SLC22A23: variants seen among roughly 807,000 people sequenced by gnomAD.
SLC22A23 encodes the protein solute carrier family 22 member 23.
In SLC22A23, 26 loss-of-function variants were observed where a neutral mutation model predicts 61.0. The observed-to-expected ratio is 0.43, with a 90% CI of 0.31 to 0.59. The LOEUF (loss-of-function observed/expected upper bound fraction) is 0.59, where lower values mean the gene tolerates loss of function less well. SLC22A23 is among the 20% of genes least tolerant of loss of function. The pLI is 0.11. For synonymous variants in SLC22A23, 430 were observed against 413.9 expected (o/e 1.04, Z -0.47); for missense variants, 796 against 934.7 (o/e 0.85, Z 1.94).
intron 3 of SLC22A23, among the ~76,000 whole-genome samples, chr6:3,383,703 G>A (rs1449211934): frequency 4.6e-5 from 7 of 152,120 alleles, no homozygotes; most frequent in Admixed American, 2.6e-4. Context: ...GTGTTCTGGC[G>A]AAAGTCCAGT....
Position 3,278,186 on chromosome 6 carries a change from T to A in SLC22A23, c.1704-4774A>T, listed in dbSNP as rs982779881. Among the ~76,000 whole-genome samples, 3 of 152,284 alleles carry A rather than the reference T, an allele frequency of 2.0e-5. No individual in the cohort carries two copies. The East Asian group carries it at 5.8e-4, about 29-fold the overall frequency. On this transcript the variant is annotated intron_variant, in intron 9 of 9. Transcript: ENST00000406686. ...TTTGGAGCGATTGGTTATGCAGCAA[T>A]AGAAAACCAAGATACTCGGTGAGTG...
chr6:3,279,801 G>A (rs1403654842), intron 9 of SLC22A23, among the ~76,000 whole-genome samples: 9 of 152,220 alleles, frequency 5.9e-5, no homozygotes, highest in Admixed American at 5.9e-4. Context: ...AACCGAGGGC[G>A]CACACTGCCT....
chr6:3,328,309 A>G lies in SLC22A23; in HGVS notation c.914-4307T>C, dbSNP rs982914941. On this transcript the variant is annotated intron_variant, in intron 3 of 9. Coordinates refer to ENST00000406686, the MANE Select transcript of SLC22A23 (RefSeq NM_015482.2). This position sits in a 1 kb window ranked among gnomAD's most constrained non-coding sequence, Gnocchi z 5.0. ...ACAGAGGCCGCCCGGAGGCTTTGATAGAAAAGTGGCATTGTTAGGAGGCCA... is the reference window on the plus strand; with the variant it reads ...ACAGAGGCCGCCCGGAGGCTTTGATGGAAAAGTGGCATTGTTAGGAGGCCA... Among the ~76,000 whole-genome samples the G allele has an allele frequency of 6.6e-6, 1 of 152,146 alleles. No individual in the cohort carries two copies. The highest frequency in any genetic ancestry group is 1.5e-5 in the Non-Finnish European group (1 of 68,040).
Position 3,427,714 on chromosome 6 carries a change from T to C in SLC22A23, c.655-11859A>G, listed in dbSNP as rs1259506034. ...TCCTGCAATCATTCCTTAAATATAC[T>C]ATTTTTCTGACCAAAAGAAAAAAAA... On this transcript the variant is annotated intron_variant, in intron 1 of 9. Coordinates refer to ENST00000406686, the MANE Select transcript of SLC22A23 (RefSeq NM_015482.2). This position sits in a 1 kb window ranked among gnomAD's most constrained non-coding sequence, Gnocchi z 4.3. Among the ~76,000 whole-genome samples, 4 of 152,050 alleles carry C rather than the reference T, an allele frequency of 2.6e-5. No individual in the cohort carries two copies. In the East Asian group the frequency reaches 7.7e-4, roughly 29 times the overall value.
intron 3 of SLC22A23, among the ~76,000 whole-genome samples, chr6:3,355,617 C>T (rs55682755): frequency 0.029 from 4,485 of 152,230 alleles, 212 homozygotes; most frequent in African/African-American, 0.1. Flanking sequence ...TGGGCCCTCC[C>T]GCCCCGCTCC....
intron 2 of SLC22A23, among the ~76,000 whole-genome samples, chr6:3,415,512 G>C (rs1385182578): frequency 1.3e-5 from 2 of 152,188 alleles, no homozygotes; most frequent in East Asian, 1.9e-4. Flanking sequence ...CTGCAGGCTG[G>C]TTTTGCTATA....
At chr6:3,443,670 C>T (rs1771732774) in intron 1 of SLC22A23, among the ~76,000 whole-genome samples, 1 of 152,216 alleles carries the variant, frequency 6.6e-6, no homozygotes, top group African/African-American at 2.4e-5. Flanking sequence ...GAACCATATC[C>T]TGTCACACCG....
rs1301038474 is a variant in SLC22A23, at chr6:3,270,098, A to C, written c.*2957T>G. ...ACAAAGTGAAGAAATGTTCAGCTCCATCTCAGGTGTTCACATTTGTGCATA... is the reference window on the plus strand; with the variant it reads ...ACAAAGTGAAGAAATGTTCAGCTCCCTCTCAGGTGTTCACATTTGTGCATA... On this transcript the variant is annotated 3_prime_UTR_variant, in exon 10 of 10. Transcript: ENST00000406686. 1 of 152,410 alleles carries C rather than the reference A, an allele frequency of 6.6e-6. No individual in the cohort carries two copies. Among genetic ancestry groups the C allele is most frequent in the Non-Finnish European group, 1.5e-5 (1 of 68,050 alleles). 9.4% of individuals were successfully genotyped at this position (152,410 alleles called of 1,614,324 possible). A position where few individuals can be genotyped will look rare whatever the true frequency, so the allele number is the denominator to read the frequency against.
chr6:3,395,819 T>A (rs17249378), intron 3 of SLC22A23, among the ~76,000 whole-genome samples: 72,025 of 152,104 alleles, frequency 0.47, 17,265 homozygotes, highest in East Asian at 0.53. Flanking sequence ...ATTCAACCCA[T>A]CATGAGTCAG....
chr6:3,308,632 GACATAAAACCTA>G lies in SLC22A23; in HGVS notation c.1083-10426_1083-10415del, dbSNP rs1762151436. Among the ~76,000 whole-genome samples, 5 of 152,240 alleles carry G rather than the reference GACATAAAACCTA, an allele frequency of 3.3e-5. No homozygotes were observed. Among genetic ancestry groups the G allele is most frequent in the Middle Eastern group, 6.8e-3 (2 of 294 alleles). On this transcript the variant is annotated intron_variant, in intron 4 of 9. Transcript: ENST00000406686. This position sits in a 1 kb window ranked among gnomAD's most constrained non-coding sequence, Gnocchi z 5.1. ...ATGCCATTTTCCAGCATGTACTTGG[GACATAAAACCTA>G]ACATAAAACCACAGCATGGGCCGGG... is the stretch of plus-strand genomic sequence containing the variant.
At chr6:3,428,595 A>G (rs1770657519) in intron 1 of SLC22A23, among the ~76,000 whole-genome samples, 1 of 152,224 alleles carries the variant, frequency 6.6e-6, no homozygotes. Context: ...GCCACAGGAC[A>G]GTCAAGTTGA....
Position 3,285,203 on chromosome 6 carries a change from C to T in SLC22A23, c.1547-92G>A, listed in dbSNP as rs970616872. On this transcript the variant is annotated intron_variant, in intron 7 of 9. Transcript: ENST00000406686. ...CACATTAGGTGTGGAGTTAGCCTAGCGTGTTCCCATGCGACTTGGTTCAAG... is the reference window on the plus strand; with the variant it reads ...CACATTAGGTGTGGAGTTAGCCTAGTGTGTTCCCATGCGACTTGGTTCAAG... 1.9e-5 allele frequency: 29 copies of T among 1,552,760 alleles called. No homozygotes were observed. The Admixed American group carries it at 4.2e-4, about 23-fold the overall frequency.
At chr6:3,294,218 C>T (rs1446215216) in intron 5 of SLC22A23, among the ~76,000 whole-genome samples, 1 of 151,920 alleles carries the variant, frequency 6.6e-6, no homozygotes, top group Admixed American at 6.6e-5. Flanking sequence ...TGAAGCGCTT[C>T]CTCCGATGCC....
chr6:3,355,723 C>T (rs1449614815), intron 3 of SLC22A23, among the ~76,000 whole-genome samples: 1 of 151,774 alleles, frequency 6.6e-6, no homozygotes, highest in Non-Finnish European at 1.5e-5. Context: ...ATTTCTGGCT[C>T]ATCTACTATT....
At chr6:3,449,454 A>G (rs543452736) in intron 1 of SLC22A23, among the ~76,000 whole-genome samples, 1 of 152,364 alleles carries the variant, frequency 6.6e-6, no homozygotes, top group South Asian at 2.1e-4. Flanking sequence ...GTGTACCTAT[A>G]AATACATAAG....
chr6:3,302,713 G>T (rs1330062116), intron 4 of SLC22A23: 7 of 152,022 alleles, frequency 4.6e-5, no homozygotes, highest in Middle Eastern at 3.2e-3. Context: ...TGAGTATGTT[G>T]TTCAATTTCC....
chr6:3,436,963 C>A (rs1387138166), intron 1 of SLC22A23, among the ~76,000 whole-genome samples: 1 of 152,208 alleles, frequency 6.6e-6, no homozygotes, highest in African/African-American at 2.4e-5. Context: ...GACTTAAAAA[C>A]TTCTTTTCAG....
At chr6:3,277,765 T>G (rs1759044473) in intron 9 of SLC22A23, among the ~76,000 whole-genome samples, 1 of 152,122 alleles carries the variant, frequency 6.6e-6, no homozygotes, top group African/African-American at 2.4e-5. Flanking sequence ...CCCCAGTAAT[T>G]CCCACCCTTG....
intron 5 of SLC22A23, chr6:3,290,426 A>G (rs1415264951): frequency 5.5e-6 from 1 of 181,028 alleles, no homozygotes; most frequent in Non-Finnish European, 1.2e-5. Flanking sequence ...TTGAAAGCCA[A>G]ATACATAAGT....
Sources: allele counts gnomAD v4.1 joint callset (sites outside exome capture counted in the v4.1 genomes callset), GRCh38; gene constraint gnomAD v4.1.1; non-coding constraint Gnocchi (gnomAD v3.1); transcripts MANE v1.5; gene names NCBI Gene and HGNC (gene_info 2026-07-23, HGNC 2026-07-21).